Variants in MYO1D observed in about 807,000 individuals in gnomAD.
MYO1D encodes myosin ID.
A neutral mutation model predicts 122.0 loss-of-function variants in MYO1D; 83 were observed. The ratio of observed to expected loss-of-function variants is 0.68; its 90% CI spans 0.57 to 0.82. MYO1D has a LOEUF of 0.82. Ranked by LOEUF, MYO1D falls within the 40% of genes least tolerant of loss-of-function variation. The probability of loss-of-function intolerance (pLI) is 0.00; values close to 1 mark genes in which losing one functional copy is unlikely to be tolerated. For missense variants in MYO1D, 1,157 were observed against 1,269.5 expected, an observed-to-expected ratio of 0.91 and a Z score of 1.35; for synonymous variants, 464 against 446.9, an observed-to-expected ratio of 1.04 and a Z score of -0.48.
intron 20 of MYO1D, among the ~76,000 whole-genome samples, chr17:32,626,979 C>G (rs1412452087): frequency 6.6e-6 from 1 of 152,114 alleles, no homozygotes; most frequent in East Asian, 1.9e-4. Context: ...CTGTATTTTT[C>G]TAAATTTCTC....
intron 1 of MYO1D, among the ~76,000 whole-genome samples, chr17:32,812,631 C>T (rs1055221381): frequency 1.3e-5 from 2 of 152,104 alleles, no homozygotes; most frequent in East Asian, 1.9e-4. Context: ...AGTACCAGGT[C>T]AAGGGAAGGA....
chr17:32,859,690 T>A lies in MYO1D; in HGVS notation c.95+17088A>T, dbSNP rs1415731946. Among the ~76,000 whole-genome samples, 6 of 152,242 alleles carry A rather than the reference T, an allele frequency of 3.9e-5. No individual in the cohort carries two copies. In the East Asian group the frequency reaches 5.8e-4, roughly 15 times the overall value. ...ATTTGAGGTTGGTGTTCATGTCCTGTCTTGTTCCTTCAGTCATTCCTTAAA... is the reference window on the plus strand; with the variant it reads ...ATTTGAGGTTGGTGTTCATGTCCTGACTTGTTCCTTCAGTCATTCCTTAAA... On this transcript the variant is annotated intron_variant, in intron 1 of 21. Coordinates refer to ENST00000318217, the MANE Select transcript of MYO1D (RefSeq NM_015194.3).
At position 32,698,406 on chromosome 17, in the gene MYO1D, C is replaced by T. The variant is rs1336383796; in HGVS notation, c.2121+13582G>A. On this transcript the variant is annotated intron_variant, in intron 16 of 21. Coordinates refer to ENST00000318217, the MANE Select transcript of MYO1D (RefSeq NM_015194.3). ...CCTTCCTTCTTTTCTTTTTTAAGGA[C>T]AAAAGTAATCAATTTTATATGAGAA... is the stretch of plus-strand genomic sequence containing the variant. Among the ~76,000 whole-genome samples the T allele has an allele frequency of 2.2e-5, 3 of 138,078 alleles. No homozygotes were observed. The East Asian group carries it at 7.0e-4, about 32-fold the overall frequency. 90.6% of individuals were successfully genotyped at this position (138,078 alleles called of 152,430 possible).
At chr17:32,515,977 C>G (rs531715534) in intron 21 of MYO1D, among the ~76,000 whole-genome samples, 2 of 152,228 alleles carry the variant, frequency 1.3e-5, no homozygotes, top group Non-Finnish European at 2.9e-5. Flanking sequence ...AAGTCTACCC[C>G]CTGCTCCGAT....
intron 1 of MYO1D, among the ~76,000 whole-genome samples, chr17:32,806,223 A>G (rs1032684484): frequency 6.6e-6 from 1 of 152,132 alleles, no homozygotes; most frequent in Non-Finnish European, 1.5e-5. Context: ...ACGCCACTGC[A>G]CTCCAGTCTG....
At position 32,638,767 on chromosome 17, in the gene MYO1D, A is replaced by G. The variant is rs1245673933; in HGVS notation, c.2664T>C (p.Asp888=). 9 of 1,613,770 alleles carry G rather than the reference A, an allele frequency of 5.6e-6. No individual in the cohort carries two copies. Among genetic ancestry groups the G allele is most frequent in the East Asian group, 4.5e-5 (2 of 44,844 alleles). The part of the protein sequence containing the change: ...FVTDRHLYKM[D]PTKQYKVMKT... The stretch of plus-strand genomic sequence containing the variant: ...TCATCACCTTGTACTGTTTAGTGGG[A>G]TCCATTTTATACAGGTGACGGTCAG... Residue 888 remains aspartate (D), a synonymous_variant, in exon 20 of 22, where the codon GAT becomes GAC. Transcript: ENST00000318217.
chr17:32,741,897 C>T (rs2151004696), intron 13 of MYO1D, among the ~76,000 whole-genome samples: 1 of 151,790 alleles, frequency 6.6e-6, no homozygotes, highest in Non-Finnish European at 1.5e-5. Flanking sequence ...CGCCTGTAGT[C>T]CCAGCTACTC....
chr17:32,605,840 G>C (rs4795713), intron 20 of MYO1D, among the ~76,000 whole-genome samples: 45,897 of 151,968 alleles, frequency 0.3, 7,155 homozygotes, highest in South Asian at 0.37. Context: ...TAGCACTTTG[G>C]GAGGCCAAGG....
intron 1 of MYO1D, among the ~76,000 whole-genome samples, chr17:32,846,722 G>C (rs547979530): frequency 6.6e-6 from 1 of 152,204 alleles, no homozygotes; most frequent in Non-Finnish European, 1.5e-5. Flanking sequence ...ACTGATGCCT[G>C]TAATCCCAGC....
At chr17:32,677,788 C>G (rs956200406) in intron 16 of MYO1D, among the ~76,000 whole-genome samples, 1 of 151,962 alleles carries the variant, frequency 6.6e-6, no homozygotes, top group Admixed American at 6.6e-5. Flanking sequence ...GCTTTTCAAA[C>G]GAACACAAGC....
chr17:32,778,320 A>C (rs1466041515), intron 3 of MYO1D, among the ~76,000 whole-genome samples, 160 bp downstream of exon 3: 1 of 152,248 alleles, frequency 6.6e-6, no homozygotes, highest in Non-Finnish European at 1.5e-5. Context: ...GTACAGAGAC[A>C]ATATGCACTT....
chr17:32,599,447 C>T (rs1486713169), intron 21 of MYO1D, among the ~76,000 whole-genome samples: 1 of 152,182 alleles, frequency 6.6e-6, no homozygotes. Context: ...AAGTCCTGAA[C>T]CCCTCAAAGC....
At chr17:32,640,846 T>C (rs1351989222) in intron 19 of MYO1D, among the ~76,000 whole-genome samples, 2 of 152,012 alleles carry the variant, frequency 1.3e-5, no homozygotes, top group Non-Finnish European at 2.9e-5. Context: ...GTTTCAGAAA[T>C]ACTGCAAACC....
At chr17:32,657,597 C>T (rs976107788) in intron 17 of MYO1D, among the ~76,000 whole-genome samples, 11 of 152,232 alleles carry the variant, frequency 7.2e-5, no homozygotes, top group Admixed American at 6.5e-4. Context: ...CGCACGTGTG[C>T]GTATACAGAA....
chr17:32,520,857 A>G (rs906782962), intron 21 of MYO1D, among the ~76,000 whole-genome samples: 2 of 152,254 alleles, frequency 1.3e-5, no homozygotes, highest in African/African-American at 4.8e-5. Context: ...CCTGCATTCC[A>G]GAATTCAAAC....
chr17:32,791,021 T>C (rs1403276027), intron 1 of MYO1D, among the ~76,000 whole-genome samples: 3 of 152,158 alleles, frequency 2.0e-5, no homozygotes, highest in Admixed American at 6.5e-5. Context: ...AGGAGCAAGA[T>C]GAATGGACTT....
At chr17:32,549,393 C>A (rs2086991510) in intron 21 of MYO1D, among the ~76,000 whole-genome samples, 1 of 152,178 alleles carries the variant, frequency 6.6e-6, no homozygotes, top group Non-Finnish European at 1.5e-5. Context: ...ACTGCACCCT[C>A]CCTCTTAATC....
At position 32,556,838 on chromosome 17, in the gene MYO1D, C is replaced by T. The variant is rs147956138; in HGVS notation, c.2864+48249G>A. Among the ~76,000 whole-genome samples the T allele has an allele frequency of 2.4e-4, 37 of 152,246 alleles. No homozygotes were observed. The East Asian group carries it at 5.6e-3, about 23-fold the overall frequency. ...ATAGGAATATTATAGTGTTTTGGGT[C>T]TGTGAGAAAATGATTTGTGCTAAAC... On this transcript the variant is annotated intron_variant, in intron 21 of 21. Transcript: ENST00000318217.
At chr17:32,788,028 G>T (rs1404692901) in intron 1 of MYO1D, among the ~76,000 whole-genome samples, 1 of 151,992 alleles carries the variant, frequency 6.6e-6, no homozygotes, top group African/African-American at 2.4e-5. Context: ...TCATATTTTT[G>T]CAATTGCAAA....
Sources: allele counts gnomAD v4.1 joint callset (sites outside exome capture counted in the v4.1 genomes callset), GRCh38; gene constraint gnomAD v4.1.1; transcripts MANE v1.5; gene names NCBI Gene and HGNC (gene_info 2026-07-23, HGNC 2026-07-21).